KLHL11: variants seen among roughly 807,000 people sequenced by gnomAD.
The protein encoded by KLHL11 is kelch like family member 11, also known as kelch-like protein 11.
Under a neutral mutation model 56.1 loss-of-function variants are expected in KLHL11, and 26 were observed. The ratio of observed to expected loss-of-function variants is 0.46; its 90% CI spans 0.34 to 0.64. The LOEUF is 0.64. KLHL11 is among the 30% of genes least tolerant of loss of function. KLHL11 has a pLI of 0.01. For missense variants in KLHL11, 627 were observed against 919.4 expected, an observed-to-expected ratio of 0.68 and a Z score of 4.11; for synonymous variants, 338 against 345.8, an observed-to-expected ratio of 0.98 and a Z score of 0.25.
rs981830474 is a variant in KLHL11, at chr17:41,851,642, T to G, written c.*2098A>C. 8.0e-5 allele frequency among the ~76,000 whole-genome samples: 12 copies of G among 150,568 alleles called. No individual in the cohort carries two copies. Among genetic ancestry groups the G allele is most frequent in the Admixed American group, 2.7e-4 (4 of 15,032 alleles). ...TTATTTTGAGGCCGGGCGTGGTGGC[T>G]CACACCTAATCCTAGCACCCTGGGA... is the stretch of plus-strand genomic sequence containing the variant. On this transcript the variant is annotated 3_prime_UTR_variant, in exon 2 of 2. Transcript: ENST00000319121.
At chr17:41,858,402 A>T (rs1481778290) in intron 1 of KLHL11, among the ~76,000 whole-genome samples, 2 of 77,210 alleles carry the variant, frequency 2.6e-5, no homozygotes, top group African/African-American at 9.1e-5. Context: ...ATATATATAT[A>T]TATTTTTTGT....
In KLHL11 at chr17:41,853,520, C is replaced by G; in HGVS notation, c.*220G>C. The stretch of plus-strand genomic sequence containing the variant: ...TTAATAAGATCTTATTTAGCTAGCA[C>G]AAACAAACAAACCAAAGACAAAAAT... On this transcript the variant is annotated 3_prime_UTR_variant, in exon 2 of 2. Coordinates refer to ENST00000319121, the MANE Select transcript of KLHL11 (RefSeq NM_018143.3). 1 of 487,798 alleles carries G rather than the reference C, an allele frequency of 2.1e-6. No individual in the cohort carries two copies. The highest frequency in any genetic ancestry group is 3.5e-6 in the Non-Finnish European group (1 of 285,012). The allele number at this position is 487,798 out of a possible 1,614,324, so 30.2% of individuals were successfully genotyped here. A position where few individuals can be genotyped will look rare whatever the true frequency, so the allele number is the denominator to read the frequency against.
At position 41,865,389 on chromosome 17, in the gene KLHL11, G is replaced by T. The variant is rs1387322830; in HGVS notation, c.-19C>A. On this transcript the variant is annotated 5_prime_UTR_variant, in exon 1 of 2. Coordinates refer to ENST00000319121, the MANE Select transcript of KLHL11 (RefSeq NM_018143.3). ...CCGCCATCTTGACGCCGCTGCGCCC[G>T]GCCTCCACAGCCTCGGAACGATGCG... 4 of 1,343,404 alleles carry T rather than the reference G, an allele frequency of 3.0e-6. No individual in the cohort carries two copies. Among genetic ancestry groups the T allele is most frequent in the Admixed American group, 3.2e-5 (1 of 31,398 alleles). 83.2% of individuals were successfully genotyped at this position (1,343,404 alleles called of 1,614,324 possible).
At chr17:41,860,127 G>C (rs537810361) in intron 1 of KLHL11, among the ~76,000 whole-genome samples, 2 of 152,128 alleles carry the variant, frequency 1.3e-5, no homozygotes, top group African/African-American at 4.8e-5. Flanking sequence ...AAGTAGAGTG[G>C]TATGGGATAT....
At chr17:41,856,521 AAAC>A (rs1164511225) in intron 1 of KLHL11, among the ~76,000 whole-genome samples, 17 of 152,126 alleles carry the variant, frequency 1.1e-4, no homozygotes, top group Non-Finnish European at 1.5e-4. Flanking sequence ...CAAAATCTGA[AAAC>A]AACAGCAACA....
rs2048393441 is a variant in KLHL11, at chr17:41,860,119, G to A, written c.545+4707C>T. 2.6e-5 allele frequency among the ~76,000 whole-genome samples: 4 copies of A among 152,168 alleles called. No homozygotes were observed. The South Asian group carries it at 8.3e-4, about 31-fold the overall frequency. On this transcript the variant is annotated intron_variant, in intron 1 of 1. Coordinates refer to ENST00000319121, the MANE Select transcript of KLHL11 (RefSeq NM_018143.3). ...ATTTTAGAGATAAAGCAAAGACAAA[G>A]TAGAGTGGTATGGGATATAGTGGCT... is the stretch of plus-strand genomic sequence containing the variant.
chr17:41,850,824 G>A lies in KLHL11; in HGVS notation c.*2916C>T, dbSNP rs930655896. The A allele has an allele frequency of 6.6e-6, 1 of 152,092 alleles. No individual in the cohort carries two copies. The highest frequency in any genetic ancestry group is 1.9e-4 in the East Asian group (1 of 5,202). The allele number at this position is 152,092 out of a possible 1,614,324, so 9.4% of individuals were successfully genotyped here. On this transcript the variant is annotated 3_prime_UTR_variant, in exon 2 of 2. Coordinates refer to ENST00000319121, the MANE Select transcript of KLHL11 (RefSeq NM_018143.3). ...TAGAAATAGACTTGCAGTTTCTCAC[G>A]CCCACTCCAGTCTAAATTAAATGGA...
In KLHL11 at chr17:41,853,039, T is replaced by C. The variant is rs544435143; in HGVS notation, c.*701A>G. Among the ~76,000 whole-genome samples, 1 of 152,336 alleles carries C rather than the reference T, an allele frequency of 6.6e-6. No individual in the cohort carries two copies. Among genetic ancestry groups the C allele is most frequent in the South Asian group, 2.1e-4 (1 of 4,826 alleles). On this transcript the variant is annotated 3_prime_UTR_variant, in exon 2 of 2. Transcript: ENST00000319121. Reference sequence around the variant, plus strand: ...GTAACTTGCTCTGTATTTAGTCAATTAGCTAAAGATCTATACTTTTGCCAA... The same window carrying C: ...GTAACTTGCTCTGTATTTAGTCAATCAGCTAAAGATCTATACTTTTGCCAA...
At chr17:41,859,137 AGAGGG>A (rs1468140894) in intron 1 of KLHL11, among the ~76,000 whole-genome samples, 2 of 151,916 alleles carry the variant, frequency 1.3e-5, no homozygotes, top group Non-Finnish European at 2.9e-5. Flanking sequence ...TTGGGCAGCC[AGAGGG>A]GATGGGGTAC....
chr17:41,849,828 G>T lies in KLHL11; in HGVS notation c.*3912C>A, dbSNP rs529764522. On this transcript the variant is annotated 3_prime_UTR_variant, in exon 2 of 2. Transcript: ENST00000319121. The stretch of plus-strand genomic sequence containing the variant: ...CACTGATTTTTTTAAGCCATGGTGG[G>T]GTAGATATAGTTCAAGGATACCCAT... The T allele has an allele frequency of 4.6e-5, 7 of 151,954 alleles. No homozygotes were observed. Among genetic ancestry groups the T allele is most frequent in the African/African-American group, 9.7e-5 (4 of 41,362 alleles). The allele number at this position is 151,954 out of a possible 1,614,324, so 9.4% of individuals were successfully genotyped here.
chr17:41,865,199 C>T lies in KLHL11; in HGVS notation c.172G>A (p.Glu58Lys), dbSNP rs782128128. ...FGPGPGISAMEASGGDPGPEA... is the reference protein window; with the variant it reads ...FGPGPGISAMKASGGDPGPEA... The stretch of plus-strand genomic sequence containing the variant: ...GGGCCCGGATCGCCCCCGCTCGCCT[C>T]CATTGCAGAGATCCCCGGCCCAGGC... Residue 58 changes from glutamate (E) to lysine (K), a missense_variant, in exon 1 of 2, where the codon GAG (glutamate) becomes AAG (lysine). Physicochemically the swap from Glu to Lys is moderately conservative, Grantham distance 56. Transcript: ENST00000319121. 6.2e-7 allele frequency: 1 copy of T among 1,608,144 alleles called. No individual in the cohort carries two copies. The highest frequency in any genetic ancestry group is 1.1e-5 in the South Asian group (1 of 90,262).
intron 1 of KLHL11, among the ~76,000 whole-genome samples, chr17:41,862,824 G>A (rs1567875686): frequency 6.6e-6 from 1 of 152,006 alleles, no homozygotes; most frequent in African/African-American, 2.4e-5. Context: ...CCATTTATAC[G>A]GTAATTTTCC....
intron 1 of KLHL11, 146 bp from the exon 2 acceptor site, chr17:41,855,467 C>T: frequency 5.0e-6 from 3 of 600,988 alleles, no homozygotes; most frequent in Non-Finnish European, 8.6e-6. Flanking sequence ...CAACCTCTAC[C>T]TCCTGGGTTC....
At chr17:41,863,622 G>A (rs964139145) in intron 1 of KLHL11, among the ~76,000 whole-genome samples, 4 of 152,130 alleles carry the variant, frequency 2.6e-5, no homozygotes, top group African/African-American at 7.2e-5. Context: ...GGCCCTACGG[G>A]ATCTGGATCC....
At position 41,849,039 on chromosome 17, in the gene KLHL11, G is replaced by A. The variant is rs1455687797; in HGVS notation, c.*4701C>T. ...TTATTATATTACATCACCCAACTAT[G>A]AGCTGTTCTGTTTCCAATGACCAGA... On this transcript the variant is annotated 3_prime_UTR_variant, in exon 2 of 2. Transcript: ENST00000319121. 2.0e-5 allele frequency: 3 copies of A among 152,198 alleles called. No homozygotes were observed. In the East Asian group the frequency reaches 5.8e-4, roughly 29 times the overall value. The allele number at this position is 152,198 out of a possible 1,614,324, so 9.4% of individuals were successfully genotyped here. A position where few individuals can be genotyped will look rare whatever the true frequency, so the allele number is the denominator to read the frequency against.
chr17:41,863,785 C>A (rs1555623286), intron 1 of KLHL11, among the ~76,000 whole-genome samples: 1 of 152,170 alleles, frequency 6.6e-6, no homozygotes, highest in Non-Finnish European at 1.5e-5. Flanking sequence ...ACCTTACCTC[C>A]TTCGGTTCTT....
At chr17:41,857,721 A>T (rs2048375085) in intron 1 of KLHL11, among the ~76,000 whole-genome samples, 1 of 152,120 alleles carries the variant, frequency 6.6e-6, no homozygotes, top group African/African-American at 2.4e-5. Flanking sequence ...ACAGTGCGCT[A>T]CAGCCCCAAA....
At position 41,851,599 on chromosome 17, in the gene KLHL11, CAA is replaced by C. The variant is rs782423316; in HGVS notation, c.*2139_*2140del. On this transcript the variant is annotated 3_prime_UTR_variant, in exon 2 of 2. Transcript: ENST00000319121. ...CCAGGGCGACAAAGCGTGACTGTTT[CAA>C]AAAAAAAAAAAAAAGTTATTTTGAG... is the stretch of plus-strand genomic sequence containing the variant. 1.9e-4 allele frequency among the ~76,000 whole-genome samples: 24 copies of C among 123,458 alleles called. No homozygotes were observed. The highest frequency in any genetic ancestry group is 3.3e-4 in the Admixed American group (4 of 12,034). 81.0% of individuals were successfully genotyped at this position (123,458 alleles called of 152,430 possible). A position where few individuals can be genotyped will look rare whatever the true frequency, so the allele number is the denominator to read the frequency against.
chr17:41,855,387 TC>T, intron 1 of KLHL11, 66 bp from the exon 2 acceptor site: 1 of 1,300,912 alleles, frequency 7.7e-7, no homozygotes, highest in South Asian at 1.5e-5. Context: ...GTTACTTTTT[TC>T]TTTTTTTTGA....
Sources: gnomAD v4.1 joint callset for allele counts (sites outside exome capture counted in the v4.1 genomes callset) on GRCh38, gnomAD v4.1.1 for gene constraint, MANE v1.5 for transcripts, NCBI Gene and HGNC (gene_info 2026-07-23, HGNC 2026-07-21) for gene names.